The following STK32B variants were observed in gnomAD, a reference collection of about 807,000 sequenced individuals.
STK32B encodes serine/threonine-protein kinase 32B.
A neutral mutation model predicts 52.6 loss-of-function variants in STK32B; 43 were observed. The ratio of observed to expected loss-of-function variants is 0.82; its 90% CI spans 0.64 to 1.05. The LOEUF (loss-of-function observed/expected upper bound fraction) is 1.05, where lower values mean the gene tolerates loss of function less well. Ranked by LOEUF, STK32B falls within the 50% of genes least tolerant of loss-of-function variation. The pLI is 0.00. For synonymous variants in STK32B, 238 were observed against 204.3 expected, an observed-to-expected ratio of 1.17 and a Z score of -1.41; for missense variants, 621 against 534.6, an observed-to-expected ratio of 1.16 and a Z score of -1.59.
intron 5 of STK32B, among the ~76,000 whole-genome samples, chr4:5,411,507 G>A (rs754962418): frequency 6.6e-6 from 1 of 152,188 alleles, no homozygotes; most frequent in Non-Finnish European, 1.5e-5. Flanking sequence ...TACTTGCATA[G>A]CCTTTCCATT....
rs1273189006 is a variant in STK32B at position 5,102,432 on chromosome 4, C to CCTTG, written c.53-37469_53-37466dup. Among the ~76,000 whole-genome samples, 601 of 144,980 alleles carry CCTTG rather than the reference C, an allele frequency of 4.1e-3. 2 individuals carry two copies. Among genetic ancestry groups the CCTTG allele is most frequent in the African/African-American group, 0.013 (492 of 38,900 alleles). On this transcript the variant is annotated intron_variant, in intron 1 of 11. Transcript: ENST00000282908. ...AGTTCTTTCTTTCCTTCTTCTCCTT[C>CCTTG]CTTGCTTCCTTCCTTCCTTCCTTCC...
intron 3 of STK32B, among the ~76,000 whole-genome samples, chr4:5,198,560 G>GGTCTGTCT (rs1429427089): frequency 1.3e-5 from 2 of 152,138 alleles, no homozygotes; most frequent in Non-Finnish European, 2.9e-5. Context: ...TGGGGGAGTT[G>GGTCTGTCT]GTCTGTCTGG....
intron 4 of STK32B, among the ~76,000 whole-genome samples, chr4:5,397,170 G>A (rs1438613408): frequency 1.3e-5 from 2 of 152,184 alleles, no homozygotes; most frequent in African/African-American, 4.8e-5. Flanking sequence ...TTATTTTGAA[G>A]AAAGCTATCA....
chr4:5,178,838 G>A (rs898961029), intron 3 of STK32B, among the ~76,000 whole-genome samples: 4 of 152,086 alleles, frequency 2.6e-5, no homozygotes, highest in Admixed American at 6.5e-5. Context: ...AGCATTTTGG[G>A]CAAAACCAAC....
chr4:5,098,305 C>T (rs1346233903), intron 1 of STK32B, among the ~76,000 whole-genome samples: 2 of 152,168 alleles, frequency 1.3e-5, no homozygotes, highest in Admixed American at 6.5e-5. Flanking sequence ...GAGTTGGGCT[C>T]TATATGTATT....
chr4:5,203,838 G>A (rs62298537), intron 3 of STK32B, among the ~76,000 whole-genome samples: 10,061 of 152,088 alleles, frequency 0.066, 580 homozygotes, highest in Admixed American at 0.17. Flanking sequence ...TCAGGGGCCC[G>A]CCCTTGCACT....
At chr4:5,488,469 G>T (rs1295460524) in intron 11 of STK32B, among the ~76,000 whole-genome samples, 1 of 151,952 alleles carries the variant, frequency 6.6e-6, no homozygotes, top group Non-Finnish European at 1.5e-5. Flanking sequence ...TTTTACTAAT[G>T]TATTTTGAAT....
chr4:5,199,219 C>T (rs1721932026), intron 3 of STK32B, among the ~76,000 whole-genome samples: 1 of 152,130 alleles, frequency 6.6e-6, no homozygotes, highest in South Asian at 2.1e-4. Context: ...TGAACATGCA[C>T]GGTGGTTGTT....
intron 1 of STK32B, among the ~76,000 whole-genome samples, chr4:5,124,918 G>A (rs1224414721): frequency 6.6e-6 from 1 of 152,152 alleles, no homozygotes; most frequent in Non-Finnish European, 1.5e-5. Flanking sequence ...TTGTGAAGAG[G>A]ATATTATGCA....
intron 1 of STK32B, among the ~76,000 whole-genome samples, chr4:5,085,297 C>G (rs1358801201): frequency 5.9e-5 from 9 of 152,148 alleles, no homozygotes; most frequent in Non-Finnish European, 1.3e-4. Flanking sequence ...TGGCACAGTG[C>G]CTGACCCACA....
chr4:5,081,915 G>T (rs1273588725), intron 1 of STK32B, among the ~76,000 whole-genome samples: 3 of 152,152 alleles, frequency 2.0e-5, no homozygotes, highest in Non-Finnish European at 2.9e-5. Context: ...AAATTATTGT[G>T]CTTCTTTGGA....
At chr4:5,476,377 A>G (rs537771650) in intron 11 of STK32B, among the ~76,000 whole-genome samples, 14 of 152,356 alleles carry the variant, frequency 9.2e-5, no homozygotes, top group African/African-American at 3.1e-4. Context: ...TTAAAAATAC[A>G]GAAACTGTAA....
intron 1 of STK32B, among the ~76,000 whole-genome samples, chr4:5,067,705 A>T (rs1425820863): frequency 1.3e-5 from 2 of 152,154 alleles, no homozygotes; most frequent in Non-Finnish European, 2.9e-5. Flanking sequence ...CTATAAAGAA[A>T]TACCTGAGAC....
chr4:5,119,234 T>C (rs1714897918), intron 1 of STK32B, among the ~76,000 whole-genome samples: 1 of 152,176 alleles, frequency 6.6e-6, no homozygotes, highest in African/African-American at 2.4e-5. Flanking sequence ...TTAGCATAAT[T>C]TCCACAGCGT....
chr4:5,025,409 T>G, the STK32B span, among the ~76,000 whole-genome samples: 2,433 of 152,228 alleles, frequency 0.016, 50 homozygotes, highest in African/African-American at 0.055. Flanking sequence ...ACCAAAGGCT[T>G]AACTCTCATT....
chr4:5,226,302 G>A (rs566582908), intron 3 of STK32B, among the ~76,000 whole-genome samples: 10 of 152,220 alleles, frequency 6.6e-5, no homozygotes, highest in African/African-American at 2.2e-4. Flanking sequence ...GTTTCAGTAT[G>A]CAGTCATTGT....
At chr4:5,193,484 C>G (rs1375968930) in intron 3 of STK32B, among the ~76,000 whole-genome samples, 2 of 152,192 alleles carry the variant, frequency 1.3e-5, no homozygotes, top group African/African-American at 2.4e-5. Context: ...TGAGCATCTC[C>G]CACCATGGAC....
In STK32B at chr4:5,453,621, C is replaced by T. The variant is rs1038011265; in HGVS notation, c.667-3186C>T. Among the ~76,000 whole-genome samples the T allele has an allele frequency of 2.0e-5, 3 of 151,948 alleles. No individual in the cohort carries two copies. Reference sequence around the variant, plus strand: ...AGGAGCAATTATAAATAGTCCAAAACGGCTGGGTGCAGTGGCTTACGTCTG... The same window carrying T: ...AGGAGCAATTATAAATAGTCCAAAATGGCTGGGTGCAGTGGCTTACGTCTG... On this transcript the variant is annotated intron_variant, in intron 7 of 11. Coordinates refer to ENST00000282908, the MANE Select transcript of STK32B (RefSeq NM_018401.3). This position sits in a 1 kb window ranked among gnomAD's most constrained non-coding sequence, Gnocchi z 4.0.
chr4:5,329,317 A>G (rs548118497), intron 3 of STK32B, among the ~76,000 whole-genome samples: 1 of 152,180 alleles, frequency 6.6e-6, no homozygotes, highest in South Asian at 2.1e-4. Context: ...ACTCCTGCCC[A>G]TCCATGTCAC....
Sources: gnomAD v4.1 joint callset for allele counts (sites outside exome capture counted in the v4.1 genomes callset) on GRCh38, gnomAD v4.1.1 for gene constraint, Gnocchi (gnomAD v3.1) non-coding constraint, MANE v1.5 for transcripts, NCBI Gene and HGNC (gene_info 2026-07-23, HGNC 2026-07-21) for gene names.